The following PCDH19 variants were observed in gnomAD, a reference collection of about 807,000 sequenced individuals.
PCDH19 encodes protocadherin-19.
A neutral mutation model predicts 46.2 loss-of-function variants in PCDH19; 6 were observed. That is an observed-to-expected ratio of 0.13 (90% CI 0.07 to 0.26). The LOEUF (loss-of-function observed/expected upper bound fraction) is 0.26, where lower values mean the gene tolerates loss of function less well. PCDH19 is among the 10% of genes least tolerant of loss of function. The pLI is 1.00. For missense variants in PCDH19, 740 were observed against 972.3 expected, an observed-to-expected ratio of 0.76 and a Z score of 3.18; for synonymous variants, 481 against 415.7, an observed-to-expected ratio of 1.16 and a Z score of -1.91.
At chrX:100,375,500 G>A (rs1927350079) in intron 3 of PCDH19, among the ~76,000 whole-genome samples, 1 of 112,446 alleles carries the variant, frequency 8.9e-6, no homozygotes, top group Admixed American at 9.4e-5. Flanking sequence ...ATCATTGATG[G>A]ACATTTGGGT....
At chrX:100,350,550 TC>T (rs1006742781) in intron 4 of PCDH19, 95 bp downstream of exon 4, 2 of 601,573 alleles carry the variant, frequency 3.3e-6, no homozygotes, top group Non-Finnish European at 5.5e-6. Context: ...CATTTTAAAA[TC>T]CCCCAAAAAA....
chrX:100,320,769 GTTC>G (rs899481868), intron 5 of PCDH19, among the ~76,000 whole-genome samples: 18 of 108,002 alleles, frequency 1.7e-4, no homozygotes, highest in East Asian at 3.0e-4. Context: ...GAAAGAAAAA[GTTC>G]TTTTTTTTTT....
chrX:100,350,680 T>TG lies in PCDH19; in HGVS notation c.2640dup (p.Asn881GlnfsTer5), dbSNP rs1569299313. 1 of 1,188,781 alleles carries TG rather than the reference T, an allele frequency of 8.4e-7. No homozygotes were observed. ...AAATGGGCTCGGCTATTCACGTAGT[T>TG]GGAGTCAAAAGAATAGTTTTCAGTC... On this transcript the variant is annotated frameshift_variant, in exon 4 of 6. Transcript: ENST00000373034. LOFTEE classifies it high-confidence loss of function.
At chrX:100,356,522 AT>A (rs201166244) in intron 3 of PCDH19, among the ~76,000 whole-genome samples, 2,379 of 111,553 alleles carry the variant, frequency 0.021, 65 homozygotes, top group African/African-American at 0.074. Flanking sequence ...GAATATGCAA[AT>A]TCTGTATAAA....
chrX:100,394,950 G>T (rs901450302), intron 3 of PCDH19, among the ~76,000 whole-genome samples: 8 of 104,238 alleles, frequency 7.7e-5, no homozygotes, highest in Non-Finnish European at 9.9e-5. Context: ...TGCAGTGGCG[G>T]GATCTTGGCT....
intron 3 of PCDH19, among the ~76,000 whole-genome samples, chrX:100,362,513 G>T (rs761069103): frequency 7.2e-5 from 8 of 110,754 alleles, no homozygotes; most frequent in Non-Finnish European, 1.1e-4. Context: ...GTTACTCTGG[G>T]CCCGGTGCAG....
intron 5 of PCDH19, among the ~76,000 whole-genome samples, chrX:100,331,022 C>G (rs1224753126): frequency 5.3e-5 from 6 of 112,174 alleles, no homozygotes; most frequent in Non-Finnish European, 1.1e-4. Context: ...AGTTCATTTT[C>G]TGATCAATTC....
intron 3 of PCDH19, among the ~76,000 whole-genome samples, chrX:100,392,581 G>GA (rs1210806510): frequency 8.9e-6 from 1 of 111,924 alleles, no homozygotes; most frequent in African/African-American, 3.2e-5. Flanking sequence ...GTCTATACTT[G>GA]AAAAAATGGA....
At chrX:100,362,520 G>A (rs997627223) in intron 3 of PCDH19, among the ~76,000 whole-genome samples, 3 of 110,746 alleles carry the variant, frequency 2.7e-5, no homozygotes, top group South Asian at 3.9e-4. Context: ...TGGGCCCGGT[G>A]CAGTGGCTCA....
chrX:100,326,947 C>T (rs751520255), intron 5 of PCDH19, among the ~76,000 whole-genome samples: 1 of 111,599 alleles, frequency 9.0e-6, no homozygotes, highest in Admixed American at 9.5e-5. Flanking sequence ...ATCCTCTTCC[C>T]CCCACCACTC....
At chrX:100,345,655 G>A (rs1008758114) in intron 4 of PCDH19, among the ~76,000 whole-genome samples, 1 of 111,619 alleles carries the variant, frequency 9.0e-6, no homozygotes, top group African/African-American at 3.2e-5. Context: ...TAGAAATTAT[G>A]GAAATAATAA....
intron 1 of PCDH19, among the ~76,000 whole-genome samples, chrX:100,406,154 T>C (rs1457469286): frequency 8.9e-6 from 1 of 111,859 alleles, no homozygotes; most frequent in Non-Finnish European, 1.9e-5. Context: ...TCTCTGTTTT[T>C]CCTACCATAA....
At chrX:100,364,705 C>A (rs1308094035) in intron 3 of PCDH19, among the ~76,000 whole-genome samples, 1 of 112,286 alleles carries the variant, frequency 8.9e-6, no homozygotes, top group Non-Finnish European at 1.9e-5. Context: ...ATCTTCAGTG[C>A]CTGTCACTGT....
At chrX:100,396,730 A>C (rs189674919) in intron 3 of PCDH19, among the ~76,000 whole-genome samples, 23 of 112,431 alleles carry the variant, frequency 2.0e-4, no homozygotes, top group Non-Finnish European at 3.8e-4. Flanking sequence ...CACATCTTGC[A>C]AGCCCATCCC....
At chrX:100,338,761 T>G (rs951935978) in intron 5 of PCDH19, among the ~76,000 whole-genome samples, 1 of 110,790 alleles carries the variant, frequency 9.0e-6, no homozygotes, top group Non-Finnish European at 1.9e-5. Flanking sequence ...CCATAGAAAT[T>G]TTGGCAGTGT....
chrX:100,321,148 T>C (rs1427039335), intron 5 of PCDH19, among the ~76,000 whole-genome samples: 1 of 112,204 alleles, frequency 8.9e-6, no homozygotes, highest in Non-Finnish European at 1.9e-5. Flanking sequence ...TATTCCATCA[T>C]ATAAATATAC....
At chrX:100,307,777 A>T (rs1232371607) in intron 5 of PCDH19, among the ~76,000 whole-genome samples, 5 of 111,400 alleles carry the variant, frequency 4.5e-5, no homozygotes, top group Non-Finnish European at 9.4e-5. Flanking sequence ...AATCAACAAG[A>T]ACTCAACCTC....
intron 3 of PCDH19, among the ~76,000 whole-genome samples, chrX:100,391,644 T>C (rs890721572): frequency 2.7e-5 from 3 of 112,105 alleles, no homozygotes; most frequent in African/African-American, 9.7e-5. Context: ...AGCTGAAAGA[T>C]AACTTGGAGA....
intron 3 of PCDH19, among the ~76,000 whole-genome samples, chrX:100,354,372 A>G (rs577854921): frequency 1.8e-5 from 2 of 112,128 alleles, no homozygotes; most frequent in South Asian, 7.5e-4. Flanking sequence ...TTCTTCTTGT[A>G]AAACATAAAA....
Sources: gnomAD v4.1 joint callset for allele counts (sites outside exome capture counted in the v4.1 genomes callset) on GRCh38, gnomAD v4.1.1 for gene constraint, MANE v1.5 for transcripts, NCBI Gene and HGNC (gene_info 2026-07-23, HGNC 2026-07-21) for gene names.